ABL1: variants seen among roughly 807,000 people sequenced by gnomAD.
ABL1 encodes the protein tyrosine-protein kinase ABL1.
In ABL1, 11 loss-of-function variants were observed where a neutral mutation model predicts 94.7. The ratio of observed to expected loss-of-function variants is 0.12; its 90% CI spans 0.07 to 0.19. ABL1 has a LOEUF of 0.19. ABL1 is among the 10% of genes least tolerant of loss of function. The probability of loss-of-function intolerance (pLI) is 1.00; values close to 1 mark genes in which losing one functional copy is unlikely to be tolerated. For synonymous variants in ABL1, 656 were observed against 622.4 expected, an observed-to-expected ratio of 1.05 and a Z score of -0.80; for missense variants, 1,082 against 1,489.4, an observed-to-expected ratio of 0.73 and a Z score of 4.50.
intron 3 of ABL1, among the ~76,000 whole-genome samples, chr9:130,859,873 G>T (rs548818669): frequency 6.6e-6 from 1 of 151,680 alleles, no homozygotes; most frequent in African/African-American, 2.4e-5. Context: ...TAGAGATGGG[G>T]TTTCACCATG....
chr9:130,728,230 A>AT (rs55915035), intron 1 of ABL1, among the ~76,000 whole-genome samples: 23,922 of 102,542 alleles, frequency 0.23, 3,381 homozygotes, highest in Middle Eastern at 0.43. Flanking sequence ...TGTCCAGCTG[A>AT]TTTTTTTTTT....
upstream of ABL1, among the ~76,000 whole-genome samples, chr9:130,831,742 G>A (rs1302380418): frequency 2.0e-5 from 3 of 152,024 alleles, no homozygotes; most frequent in Admixed American, 6.6e-5. Flanking sequence ...TCGAGTAGCT[G>A]GGATTACAGG....
At chr9:130,881,974 TACCAAA>T (rs752432667) in intron 10 of ABL1, among the ~76,000 whole-genome samples, 4 of 152,130 alleles carry the variant, frequency 2.6e-5, no homozygotes, top group Non-Finnish European at 5.9e-5. Context: ...GTATGTTATG[TACCAAA>T]ACGCACATTT....
At chr9:130,819,833 G>A (rs1025007881) in intron 1 of ABL1, among the ~76,000 whole-genome samples, 26 of 151,284 alleles carry the variant, frequency 1.7e-4, no homozygotes, top group Non-Finnish European at 3.2e-4. Flanking sequence ...GAGCCACCGC[G>A]CCCAGCTGAA....
At chr9:130,804,895 C>T (rs1440051091) in intron 1 of ABL1, among the ~76,000 whole-genome samples, 3 of 152,150 alleles carry the variant, frequency 2.0e-5, no homozygotes, top group Non-Finnish European at 2.9e-5. Flanking sequence ...TATCAAAAGC[C>T]AGCTCATATT....
chr9:130,745,240 A>G (rs939177001), intron 1 of ABL1, among the ~76,000 whole-genome samples: 8 of 151,840 alleles, frequency 5.3e-5, no homozygotes, highest in African/African-American at 1.7e-4. Flanking sequence ...ATGCGCCGCC[A>G]CACCTGGCTA....
chr9:130,798,716 C>T (rs957069095), intron 1 of ABL1, among the ~76,000 whole-genome samples: 1 of 152,062 alleles, frequency 6.6e-6, no homozygotes, highest in South Asian at 2.1e-4. Context: ...CGCCTGTAAT[C>T]CTGGGACTTT....
intron 1 of ABL1, among the ~76,000 whole-genome samples, chr9:130,849,281 C>G (rs1830820825): frequency 1.3e-5 from 2 of 152,132 alleles, no homozygotes; most frequent in Admixed American, 6.5e-5. Context: ...GTGTTGATCA[C>G]TTAGGATAAA....
Position 130,887,343 on chromosome 9 carries a change from T to G in ABL1, c.*1660T>G, listed in dbSNP as rs1831603980. On this transcript the variant is annotated 3_prime_UTR_variant, in exon 11 of 11. Transcript: ENST00000318560. The stretch of plus-strand genomic sequence containing the variant: ...CTGTGACGCAGCCGGAGGGAGGCAC[T>G]AGTCACCGACAGCGGCCTTGAAGAC... 8.6e-6 allele frequency: 2 copies of G among 233,206 alleles called. No homozygotes were observed. The highest frequency in any genetic ancestry group is 4.4e-5 in the African/African-American group (2 of 45,342). 14.4% of individuals were successfully genotyped at this position (233,206 alleles called of 1,614,324 possible).
chr9:130,786,576 C>T (rs1464111977), intron 1 of ABL1, among the ~76,000 whole-genome samples: 2 of 152,158 alleles, frequency 1.3e-5, no homozygotes, highest in East Asian at 3.8e-4. Flanking sequence ...AATTTGCGGG[C>T]AGGGAAGTGA....
rs139126104 is a variant in ABL1 at position 130,753,977 on chromosome 9, G to A, written c.136+39522G>A. Among the ~76,000 whole-genome samples the A allele has an allele frequency of 7.9e-3, 1,203 of 151,474 alleles. 13 individuals carry two copies. The highest frequency in any genetic ancestry group is 0.027 in the African/African-American group (1,121 of 41,316). ...TCCCAGCACTTTGGGAGGCTGAGGC[G>A]GGTGTATCACCTGGGTCAGGAGTTC... On this transcript the variant is annotated intron_variant, in intron 1 of 10. Coordinates refer to the ABL1 transcript ENST00000372348.
chr9:130,748,265 A>T (rs1344777781), intron 1 of ABL1, among the ~76,000 whole-genome samples: 1 of 152,212 alleles, frequency 6.6e-6, no homozygotes, highest in Non-Finnish European at 1.5e-5. Flanking sequence ...TGCTGTCTTA[A>T]GCAGATCACG....
Position 130,884,530 on chromosome 9 carries a change from T to G in ABL1, c.2240T>G (p.Phe747Cys). The G allele has an allele frequency of 6.2e-7, 1 of 1,613,156 alleles. No homozygotes were observed. The highest frequency in any genetic ancestry group is 8.5e-7 in the Non-Finnish European group (1 of 1,180,014). Residue 747 changes from phenylalanine (F) to cysteine (C), a missense_variant, in exon 11 of 11, where the codon TTT (phenylalanine) becomes TGT (cysteine). Transcript: ENST00000318560. The surrounding 1 kb of genome is among the most constrained non-coding windows in gnomAD (Gnocchi z 5.6). ...GACTTGCAGTCCACGGGAAGACAGT[T>G]TGACTCGTCCACATTTGGAGGGCAC... is the stretch of plus-strand genomic sequence containing the variant. ...PRDLQSTGRQ[F>C]DSSTFGGHKS...
At chr9:130,771,748 CTTTCT>C (rs1282706318) in intron 1 of ABL1, among the ~76,000 whole-genome samples, 29 of 93,136 alleles carry the variant, frequency 3.1e-4, no homozygotes, top group Admixed American at 6.0e-4. Flanking sequence ...TTCTTTCTTT[CTTTCT>C]TTTTTTTTTT....
intron 1 of ABL1, among the ~76,000 whole-genome samples, chr9:130,819,469 T>C (rs1006903246): frequency 1.3e-5 from 2 of 150,920 alleles, no homozygotes; most frequent in Non-Finnish European, 2.9e-5. Context: ...AAATCTCTGA[T>C]AAGTCAAGCA....
At chr9:130,845,906 A>C (rs1303613975) in intron 1 of ABL1, among the ~76,000 whole-genome samples, 1 of 151,148 alleles carries the variant, frequency 6.6e-6, no homozygotes, top group Non-Finnish European at 1.5e-5. Context: ...CTTCCGTTAG[A>C]CTTTTGCTGT....
intron 1 of ABL1, among the ~76,000 whole-genome samples, chr9:130,838,469 A>G (rs1287704159): frequency 1.3e-5 from 2 of 152,220 alleles, no homozygotes; most frequent in African/African-American, 4.8e-5. Context: ...CTAAAAGGGT[A>G]TTTAGTGAAA....
intron 7 of ABL1, among the ~76,000 whole-genome samples, chr9:130,876,415 T>TC (rs200429547): frequency 6.6e-6 from 1 of 150,428 alleles, no homozygotes; most frequent in African/African-American, 2.5e-5. Context: ...CTTTTTCTTT[T>TC]TTTTTTTTGG....
chr9:130,747,656 G>A (rs577412790), intron 1 of ABL1, among the ~76,000 whole-genome samples: 3 of 151,964 alleles, frequency 2.0e-5, no homozygotes, highest in Admixed American at 6.6e-5. Context: ...CAGGTAATCC[G>A]CCCACCTCAG....
Sources: allele counts gnomAD v4.1 joint callset (sites outside exome capture counted in the v4.1 genomes callset), GRCh38; gene constraint gnomAD v4.1.1; non-coding constraint Gnocchi (gnomAD v3.1); transcripts MANE v1.5; gene names NCBI Gene and HGNC (gene_info 2026-07-23, HGNC 2026-07-21).